The following SLC2A1 variants were observed in gnomAD, a reference collection of about 807,000 sequenced individuals.
SLC2A1 encodes solute carrier family 2, facilitated glucose transporter member 1.
In SLC2A1, 4 loss-of-function variants were observed where a neutral mutation model predicts 46.6. That is an observed-to-expected ratio of 0.09 (90% CI 0.04 to 0.20). The LOEUF (loss-of-function observed/expected upper bound fraction) is 0.20, where lower values mean the gene tolerates loss of function less well. Among genes scored for constraint, SLC2A1 ranks in the 10% least tolerant of loss-of-function variants. The pLI is 1.00. For missense variants in SLC2A1, 352 were observed against 667.0 expected (o/e 0.53, Z 5.20); for synonymous variants, 253 against 270.0 (o/e 0.94, Z 0.62).
chr1:42,926,980 T>G lies in SLC2A1; in HGVS notation c.*61A>C. 6.3e-7 allele frequency: 1 copy of G among 1,589,218 alleles called. No homozygotes were observed. The highest frequency in any genetic ancestry group is 8.6e-7 in the Non-Finnish European group (1 of 1,165,036). On this transcript the variant is annotated 3_prime_UTR_variant, in exon 10 of 10. Transcript: ENST00000426263. ...GGTTTGGAAGTCTCATCCAGCTGCC[T>G]GTGCTCCTGAGAGATCCTTAGGGCT...
intron 1 of SLC2A1, among the ~76,000 whole-genome samples, chr1:42,951,074 A>C (rs1000272404): frequency 1.3e-5 from 2 of 152,240 alleles, no homozygotes; most frequent in African/African-American, 4.8e-5. Flanking sequence ...GCCTGAATGC[A>C]TGCTCCCAAC....
Position 42,927,817 on chromosome 1 carries a change from G to C in SLC2A1, c.1075-9C>G. 6.2e-7 allele frequency: 1 copy of C among 1,606,562 alleles called. No homozygotes were observed. The highest frequency in any genetic ancestry group is 1.1e-5 in the South Asian group (1 of 90,188). ...ATCCAGGGTAGCTGCTCCTGTTGAG[G>C]ATGACGGAGAGGGGGAAAAGTTAGA... On this transcript the variant is annotated splice_polypyrimidine_tract_variant and intron_variant, in intron 8 of 9. Transcript: ENST00000426263. This position sits in a 1 kb window ranked among gnomAD's most constrained non-coding sequence, Gnocchi z 5.3.
chr1:42,931,144 G>T lies in SLC2A1; in HGVS notation c.177C>A (p.Thr59=), dbSNP rs754406099. Residue 59 remains threonine (T), a synonymous_variant, in exon 3 of 10, where the codon ACC becomes ACA. Transcript: ENST00000426263. ...VHRYGESILP[T]TLTTLWSLSV... ...AGAGGGACCAGAGCGTGGTGAGCGT[G>T]GTGGGCAGGATGCTCTCCCCATAGC... The T allele has an allele frequency of 6.2e-7, 1 of 1,614,160 alleles. No individual in the cohort carries two copies. The highest frequency in any genetic ancestry group is 1.7e-5 in the Admixed American group (1 of 60,030).
In SLC2A1 at chr1:42,949,250, G is replaced by GA. The variant is rs200667316; in HGVS notation, c.19-5930dup. Among the ~76,000 whole-genome samples, 284 of 150,572 alleles carry GA rather than the reference G, an allele frequency of 1.9e-3. 1 individual carries two copies. The highest frequency in any genetic ancestry group is 6.7e-3 in the African/African-American group (274 of 41,084). On this transcript the variant is annotated intron_variant, in intron 1 of 9. Transcript: ENST00000426263. ...GCGACAGAGTGAGACACTCTCAAAA[G>GA]AAAAAAAAATAAGACAGCTTTGGCT...
At chr1:42,948,146 C>G (rs1050528888) in intron 1 of SLC2A1, among the ~76,000 whole-genome samples, 1 of 152,090 alleles carries the variant, frequency 6.6e-6, no homozygotes, top group Admixed American at 6.5e-5. Flanking sequence ...GGGGGTCTCA[C>G]GACCCACAAG....
rs1433056228 is a variant in SLC2A1, at chr1:42,954,234, C to G, written c.18+4400G>C. On this transcript the variant is annotated intron_variant, in intron 1 of 9. Coordinates refer to ENST00000426263, the MANE Select transcript of SLC2A1 (RefSeq NM_006516.4). This position sits in a 1 kb window ranked among gnomAD's most constrained non-coding sequence, Gnocchi z 4.2. The stretch of plus-strand genomic sequence containing the variant: ...AAGCATCTTTAAAAAAAAAACACAG[C>G]TAGGCCAGGCGCGGTGGCTCACACC... Among the ~76,000 whole-genome samples the G allele has an allele frequency of 1.3e-5, 2 of 151,812 alleles. No homozygotes were observed.
chr1:42,933,072 T>G (rs1308803753), intron 2 of SLC2A1, among the ~76,000 whole-genome samples: 1 of 152,216 alleles, frequency 6.6e-6, no homozygotes. Context: ...TGAGTTTCCA[T>G]GGCCCCATTT....
At position 42,926,709 on chromosome 1, in the gene SLC2A1, C is replaced by G; in HGVS notation, c.*332G>C. The G allele has an allele frequency of 7.4e-7, 1 of 1,358,556 alleles. No individual in the cohort carries two copies. Among genetic ancestry groups the G allele is most frequent in the Non-Finnish European group, 9.7e-7 (1 of 1,034,666 alleles). 84.2% of individuals were successfully genotyped at this position (1,358,556 alleles called of 1,614,324 possible). On this transcript the variant is annotated 3_prime_UTR_variant, in exon 10 of 10. Transcript: ENST00000426263. The stretch of plus-strand genomic sequence containing the variant: ...GGCAAGTGTCTCGACAGGGCTTAGT[C>G]TCCACCCTCAGGCATGGAACCATTC...
intron 1 of SLC2A1, chr1:42,952,355 C>T (rs2297972): frequency 0.69 from 329,007 of 475,196 alleles, 118,763 homozygotes; most frequent in Non-Finnish European, 0.77. Flanking sequence ...CACTCAGGCC[C>T]ACACTCAGCC....
In SLC2A1 at chr1:42,929,417, GA is replaced by G. The variant is rs1643462897; in HGVS notation, c.868-104del. The G allele has an allele frequency of 1.8e-6, 2 of 1,134,974 alleles. No individual in the cohort carries two copies. Among genetic ancestry groups the G allele is most frequent in the Non-Finnish European group, 1.3e-6 (1 of 763,576 alleles). The allele number at this position is 1,134,974 out of a possible 1,614,324, so 70.3% of individuals were successfully genotyped here. On this transcript the variant is annotated intron_variant, in intron 6 of 9. Coordinates refer to ENST00000426263, the MANE Select transcript of SLC2A1 (RefSeq NM_006516.4). The surrounding 1 kb of genome is among the most constrained non-coding windows in gnomAD (Gnocchi z 6.0). ...CCCAGGATGAGTAAAGAATGAAGGGGACAAATACTCAGGCAGAAGGGACACT... is the reference window on the plus strand; with the variant it reads ...CCCAGGATGAGTAAAGAATGAAGGGGCAAATACTCAGGCAGAAGGGACACT...
intron 1 of SLC2A1, among the ~76,000 whole-genome samples, chr1:42,958,302 C>A (rs566042971): frequency 1.9e-3 from 283 of 151,358 alleles, no homozygotes; most frequent in African/African-American, 6.7e-3. Context: ...AGGTCGTGTG[C>A]GACGTGCCGC....
rs76860965 is a variant in SLC2A1 at position 42,927,728 on chromosome 1, G to A, written c.1155C>T (p.Pro385=). ...GTTCAGCCACGATGAACCATGGGAT[G>A]GGGCCAGGACCCACTTCAAAGAAGG... ...FVAFFEVGPG[P]IPWFIVAELF... is the part of the protein sequence containing the mutation. Residue 385 remains proline (P), a synonymous_variant, in exon 9 of 10, where the codon CCC becomes CCT. Transcript: ENST00000426263. The surrounding 1 kb of genome is among the most constrained non-coding windows in gnomAD (Gnocchi z 5.3). The A allele has an allele frequency of 9.5e-5, 154 of 1,614,126 alleles. 1 individual carries two copies. The South Asian group carries it at 1.7e-3, about 18-fold the overall frequency.
chr1:42,939,603 G>A (rs1360453237), intron 2 of SLC2A1, among the ~76,000 whole-genome samples: 1 of 152,136 alleles, frequency 6.6e-6, no homozygotes, highest in Admixed American at 6.5e-5. Context: ...TAGATGGGAG[G>A]CCCCGGGGAT....
At chr1:42,950,518 G>A (rs1260739220) in intron 1 of SLC2A1, among the ~76,000 whole-genome samples, 1 of 152,186 alleles carries the variant, frequency 6.6e-6, no homozygotes, top group Non-Finnish European at 1.5e-5. Context: ...CTGGACCCTG[G>A]GGAAACTGAC....
At chr1:42,934,408 C>T (rs1264347870) in intron 2 of SLC2A1, among the ~76,000 whole-genome samples, 1 of 152,192 alleles carries the variant, frequency 6.6e-6, no homozygotes, top group African/African-American at 2.4e-5. Context: ...GGGTTTCTGC[C>T]TCTTGATGCC....
intron 1 of SLC2A1, among the ~76,000 whole-genome samples, chr1:42,950,930 G>A (rs916507821): frequency 1.3e-5 from 2 of 152,148 alleles, no homozygotes; most frequent in Non-Finnish European, 2.9e-5. Context: ...AGCCGAGATC[G>A]CGCCATTGCA....
chr1:42,930,815 G>A lies in SLC2A1; in HGVS notation c.327C>T (p.Leu109=). The change falls in exon 4 of 10, where the codon CTC becomes CTT. Residue 109 remains leucine (L), a synonymous_variant. Transcript: ENST00000426263. The surrounding 1 kb of genome is among the most constrained non-coding windows in gnomAD (Gnocchi z 6.2). ...MNLLAFVSAV[L]MGFSKLGKSF... is the part of the protein sequence containing the mutation. ...ACTTGCCCAGTTTCGAGAAGCCCATGAGCACGGCGGACACGAAGGCCAGCA... is the reference window on the plus strand; with the variant it reads ...ACTTGCCCAGTTTCGAGAAGCCCATAAGCACGGCGGACACGAAGGCCAGCA... 6.2e-7 allele frequency: 1 copy of A among 1,601,134 alleles called. No homozygotes were observed. The highest frequency in any genetic ancestry group is 8.5e-7 in the Non-Finnish European group (1 of 1,179,956).
chr1:42,954,458 A>C lies in SLC2A1; in HGVS notation c.18+4176T>G, dbSNP rs1570608294. On this transcript the variant is annotated intron_variant, in intron 1 of 9. Coordinates refer to ENST00000426263, the MANE Select transcript of SLC2A1 (RefSeq NM_006516.4). This position sits in a 1 kb window ranked among gnomAD's most constrained non-coding sequence, Gnocchi z 4.2. The stretch of plus-strand genomic sequence containing the variant: ...GAGAACCACTAGAACCTGGGAGGCG[A>C]AGGTTGTGGTGAGCTGAGATTGTGT... Among the ~76,000 whole-genome samples, 1 of 152,190 alleles carries C rather than the reference A, an allele frequency of 6.6e-6. No homozygotes were observed. The highest frequency in any genetic ancestry group is 2.4e-5 in the African/African-American group (1 of 41,458).
chr1:42,951,016 T>TA (rs1207466134), intron 1 of SLC2A1, among the ~76,000 whole-genome samples: 1 of 152,196 alleles, frequency 6.6e-6, no homozygotes, highest in Non-Finnish European at 1.5e-5. Context: ...TAATTCTCCA[T>TA]AAGAGAGGAT....
Sources: allele counts gnomAD v4.1 joint callset (sites outside exome capture counted in the v4.1 genomes callset), GRCh38; gene constraint gnomAD v4.1.1; non-coding constraint Gnocchi (gnomAD v3.1); transcripts MANE v1.5; gene names NCBI Gene and HGNC (gene_info 2026-07-23, HGNC 2026-07-21).